Variants in MEGF6 observed in about 807,000 individuals in gnomAD.
MEGF6 encodes multiple EGF like domains 6.
In MEGF6, 184 loss-of-function variants were observed where a neutral mutation model predicts 207.1. That is an observed-to-expected ratio of 0.89 (90% CI 0.79 to 1.00). The LOEUF (loss-of-function observed/expected upper bound fraction) is 1.00. Among genes scored for constraint, MEGF6 ranks in the 50% least tolerant of loss-of-function variants. The probability of loss-of-function intolerance (pLI) is 0.00; values close to 1 mark genes in which losing one functional copy is unlikely to be tolerated. For missense variants in MEGF6, 2,282 were observed against 2,202.9 expected (o/e 1.04, Z -0.72); for synonymous variants, 1,038 against 910.0 (o/e 1.14, Z -2.53).
chr1:3,511,795 C>T (rs991576545), intron 8 of MEGF6, 108 bp from the exon 9 acceptor site: 4 of 1,506,462 alleles, frequency 2.7e-6, no homozygotes, highest in African/African-American at 1.4e-5. Flanking sequence ...CCTGGGGACA[C>T]CCGTGGGAAG....
chr1:3,494,753 A>C lies in MEGF6; in HGVS notation c.3872-12T>G. The stretch of plus-strand genomic sequence containing the variant: ...GTTCTGGGGGCAGCCTGGAGACAGA[A>C]GGCAGGTGCTGCCTGGAGCTCTGGC... On this transcript the variant is annotated splice_polypyrimidine_tract_variant and intron_variant, in intron 30 of 36. Coordinates refer to ENST00000356575, the MANE Select transcript of MEGF6 (RefSeq NM_001409.4). 6.4e-7 allele frequency: 1 copy of C among 1,564,524 alleles called. No individual in the cohort carries two copies. Among genetic ancestry groups the C allele is most frequent in the South Asian group, 1.2e-5 (1 of 84,312 alleles).
intron 4 of MEGF6, among the ~76,000 whole-genome samples, chr1:3,541,372 T>C (rs1642511584): frequency 2.0e-5 from 3 of 152,196 alleles, no homozygotes; most frequent in Non-Finnish European, 2.9e-5. Context: ...CATTAAAGCC[T>C]CCCCAGGAGA....
chr1:3,587,892 G>C lies in MEGF6; in HGVS notation c.376+7446C>G, dbSNP rs903254440. Among the ~76,000 whole-genome samples the C allele has an allele frequency of 2.1e-3, 279 of 134,970 alleles. 16 individuals carry two copies. In the East Asian group the frequency reaches 0.042, roughly 20 times the overall value. 88.5% of individuals were successfully genotyped at this position (134,970 alleles called of 152,430 possible). ...CAGGAGTGGCCAGGAGTGGCCAGGA[G>C]GGGGCAGGAGTGGCCAGGAGGGGGC... On this transcript the variant is annotated intron_variant, in intron 3 of 36. Transcript: ENST00000356575.
In MEGF6 at chr1:3,505,285, C is replaced by T. The variant is rs1281248481; in HGVS notation, c.2111G>A (p.Gly704Asp). Residue 704 changes from glycine to aspartate, a missense_variant, in exon 17 of 37, where the codon GGC (glycine) becomes GAC (aspartate). Gly to Asp is a moderately conservative substitution (Grantham distance 94). Coordinates refer to ENST00000356575, the MANE Select transcript of MEGF6 (RefSeq NM_001409.4). Reference sequence around the variant, plus strand: ...GCCGCTCACGGAGTCACAGGCCACGCCCACTGGGCAGGTGCATGCCTGCCA... The same window carrying T: ...GCCGCTCACGGAGTCACAGGCCACGTCCACTGGGCAGGTGCATGCCTGCCA... ...GCWQACTCPV[G>D]VACDSVSGEC... 6.2e-7 allele frequency: 1 copy of T among 1,612,336 alleles called. No homozygotes were observed. Among genetic ancestry groups the T allele is most frequent in the Non-Finnish European group, 8.5e-7 (1 of 1,179,752 alleles).
Position 3,596,728 on chromosome 1 carries a change from G to A in MEGF6, c.267-1281C>T, listed in dbSNP as rs548782906. Among the ~76,000 whole-genome samples the A allele has an allele frequency of 6.7e-4, 86 of 129,242 alleles. 1 individual carries two copies. Among genetic ancestry groups the A allele is most frequent in the African/African-American group, 2.2e-3 (76 of 34,592 alleles). 84.8% of individuals were successfully genotyped at this position (129,242 alleles called of 152,430 possible). ...CCGCGCCATCCCCTGCCCAGCCCCC[G>A]TCTCCACCCTGCTCCTACAGGCATC... On this transcript the variant is annotated intron_variant, in intron 2 of 36. Coordinates refer to ENST00000356575, the MANE Select transcript of MEGF6 (RefSeq NM_001409.4).
intron 4 of MEGF6, among the ~76,000 whole-genome samples, chr1:3,579,102 G>T (rs1643728851): frequency 3.3e-5 from 5 of 152,362 alleles, no homozygotes; most frequent in South Asian, 2.1e-4. Flanking sequence ...AGTGTTTCAT[G>T]CCATCGGGAC....
intron 16 of MEGF6, 23 bp downstream of exon 16, chr1:3,505,399 C>CCCCGG (rs778678223): frequency 2.5e-6 from 4 of 1,585,890 alleles, no homozygotes; most frequent in Non-Finnish European, 3.4e-6. Context: ...CCCCCCGCCC[C>CCCCGG]CAGACCCCAT....
chr1:3,565,933 C>G lies in MEGF6; in HGVS notation c.481+13892G>C, dbSNP rs1175382835. Among the ~76,000 whole-genome samples the G allele has an allele frequency of 6.6e-6, 1 of 152,186 alleles. No individual in the cohort carries two copies. The highest frequency in any genetic ancestry group is 1.5e-5 in the Non-Finnish European group (1 of 68,010). Reference sequence around the variant, plus strand: ...GATCCAGCTTCCTCCTCCCTGAGACCTCAGGGTCAGCTGCTATAGGACCCG... The same window carrying G: ...GATCCAGCTTCCTCCTCCCTGAGACGTCAGGGTCAGCTGCTATAGGACCCG... On this transcript the variant is annotated intron_variant, in intron 4 of 36. Coordinates refer to ENST00000356575, the MANE Select transcript of MEGF6 (RefSeq NM_001409.4). The surrounding 1 kb of genome is among the most constrained non-coding windows in gnomAD (Gnocchi z 4.8).
intron 7 of MEGF6, among the ~76,000 whole-genome samples, chr1:3,512,739 G>A (rs187355701): frequency 2.5e-4 from 38 of 152,342 alleles, no homozygotes; most frequent in Non-Finnish European, 4.9e-4. Context: ...ATGTGGAACT[G>A]TAAGTCCATT....
intron 15 of MEGF6, among the ~76,000 whole-genome samples, chr1:3,505,902 C>T (rs961484549): frequency 2.6e-5 from 4 of 152,254 alleles, no homozygotes; most frequent in African/African-American, 4.8e-5. Flanking sequence ...TCCACCCAGA[C>T]GCCCTGGATG....
At chr1:3,595,125 C>T (rs1030300307) in intron 3 of MEGF6, among the ~76,000 whole-genome samples, 1 of 152,264 alleles carries the variant, frequency 6.6e-6, no homozygotes, top group African/African-American at 2.4e-5. Flanking sequence ...CTGACCCCAC[C>T]CGGCCCCAGC....
At chr1:3,533,398 C>A (rs1332932185) in intron 4 of MEGF6, among the ~76,000 whole-genome samples, 1 of 152,372 alleles carries the variant, frequency 6.6e-6, no homozygotes, top group East Asian at 1.9e-4. Context: ...GATAGACAGG[C>A]TGACGGGCCT....
intron 4 of MEGF6, among the ~76,000 whole-genome samples, chr1:3,566,425 C>T (rs1189862268): frequency 6.6e-6 from 1 of 152,234 alleles, no homozygotes; most frequent in Non-Finnish European, 1.5e-5. Context: ...AGCGCTAAGG[C>T]AGGGTGGGCA....
rs905606120 is a variant in MEGF6, at chr1:3,501,235, G to A, written c.2388C>T (p.Asp796=). 1 of 1,611,468 alleles carries A rather than the reference G, an allele frequency of 6.2e-7. No homozygotes were observed. The highest frequency in any genetic ancestry group is 8.5e-7 in the Non-Finnish European group (1 of 1,179,502). ...CPACQHAARC[D]PETGACLCLP... is the part of the protein sequence containing the mutation. Reference sequence around the variant, plus strand: ...GGCACAGGCAGGCTCCGGTCTCAGGGTCGCAGCGGGCAGCGTGCTGGCATG... The same window carrying A: ...GGCACAGGCAGGCTCCGGTCTCAGGATCGCAGCGGGCAGCGTGCTGGCATG... The change falls in exon 19 of 37, where the codon GAC becomes GAT. Residue 796 remains aspartate (D), a synonymous_variant. Coordinates refer to ENST00000356575, the MANE Select transcript of MEGF6 (RefSeq NM_001409.4).
At chr1:3,589,532 C>T (rs1012231646) in intron 3 of MEGF6, among the ~76,000 whole-genome samples, 1 of 152,186 alleles carries the variant, frequency 6.6e-6, no homozygotes, top group Non-Finnish European at 1.5e-5. Context: ...CCTGGACCCC[C>T]ATCCAAGCCA....
Position 3,607,432 on chromosome 1 carries a change from AAATT to A in MEGF6, c.131+3702_131+3705del, listed in dbSNP as rs200736104. Among the ~76,000 whole-genome samples the A allele has an allele frequency of 9.5e-3, 1,452 of 152,222 alleles. 23 individuals are homozygous for A. The highest frequency in any genetic ancestry group is 0.032 in the African/African-American group (1,330 of 41,538). On this transcript the variant is annotated intron_variant, in intron 1 of 36. Transcript: ENST00000356575. ...ATGGCTCTTGCAGTGACCCCCAACA[AAATT>A]GATTGATCATCAATCAAGCCAGCCT... is the stretch of plus-strand genomic sequence containing the variant.
rs1200797420 is a variant in MEGF6 at position 3,492,784 on chromosome 1, G to A, written c.4388-17C>T. The A allele has an allele frequency of 1.1e-5, 17 of 1,603,040 alleles. No individual in the cohort carries two copies. The East Asian group carries it at 3.8e-4, about 36-fold the overall frequency. ...TTCTGCAATCTGCAAGGCGGAGGGG[G>A]CGGGAGACAAACCTGAGCATCATCC... On this transcript the variant is annotated splice_polypyrimidine_tract_variant and intron_variant, in intron 34 of 36. Transcript: ENST00000356575.
Position 3,595,442 on chromosome 1 carries a change from A to G in MEGF6, c.272T>C (p.Val91Ala). 6.2e-7 allele frequency: 1 copy of G among 1,612,202 alleles called. No individual in the cohort carries two copies. The highest frequency in any genetic ancestry group is 8.5e-7 in the Non-Finnish European group (1 of 1,179,538). ...CACCTGCCTGTAGCCCATGTAGTAGACGGTTCTAGAAAGAAAGAGAGAAGG... is the reference window on the plus strand; with the variant it reads ...CACCTGCCTGTAGCCCATGTAGTAGGCGGTTCTAGAAAGAAAGAGAGAAGG... ...AWCVGHERRT[V>A]YYMGYRQVYT... is the part of the protein sequence containing the mutation. The change falls in exon 3 of 37, where the codon GTC (valine) becomes GCC (alanine). Residue 91 changes from valine (V) to alanine (A), a missense_variant. Coordinates refer to ENST00000356575, the MANE Select transcript of MEGF6 (RefSeq NM_001409.4).
intron 4 of MEGF6, among the ~76,000 whole-genome samples, chr1:3,531,847 G>C (rs1404304681): frequency 5.3e-5 from 8 of 152,168 alleles, no homozygotes; most frequent in Admixed American, 5.2e-4. Flanking sequence ...CGGGGGAGGG[G>C]GGCCTGCAGA....
Sources: allele counts gnomAD v4.1 joint callset (sites outside exome capture counted in the v4.1 genomes callset), GRCh38; gene constraint gnomAD v4.1.1; non-coding constraint Gnocchi (gnomAD v3.1); transcripts MANE v1.5; gene names NCBI Gene and HGNC (gene_info 2026-07-23, HGNC 2026-07-21).